NBAS: variants seen among roughly 807,000 people sequenced by gnomAD.
NBAS encodes NBAS subunit of NRZ tethering complex.
In NBAS, 219 loss-of-function variants were observed where a neutral mutation model predicts 302.5. The ratio of observed to expected loss-of-function variants is 0.72; its 90% confidence interval spans 0.65 to 0.81. The LOEUF is 0.81. NBAS is among the 30% of genes least tolerant of loss of function. NBAS has a pLI of 0.00. For synonymous variants in NBAS, 1,118 were observed against 1,021.6 expected (o/e 1.09, Z -1.80); for missense variants, 2,932 against 2,841.6 (o/e 1.03, Z -0.72).
chr2:15,355,074 T>C (rs1030255057), intron 33 of NBAS, among the ~76,000 whole-genome samples: 5 of 152,322 alleles, frequency 3.3e-5, no homozygotes, highest in Non-Finnish European at 7.3e-5. Flanking sequence ...CACATCACAA[T>C]AGTCCTTGTT....
the NBAS span, among the ~76,000 whole-genome samples, chr2:14,829,129 T>C: frequency 6.6e-6 from 1 of 151,718 alleles, no homozygotes; most frequent in Non-Finnish European, 1.5e-5. Flanking sequence ...AGGCCCAGAA[T>C]AGAAGAAGCC....
At chr2:15,093,544 A>T in the NBAS span, among the ~76,000 whole-genome samples, 1 of 152,258 alleles carries the variant, frequency 6.6e-6, no homozygotes, top group Admixed American at 6.5e-5. Context: ...CTAATTGGCA[A>T]TATGTTTACA....
chr2:15,218,835 T>A lies in NBAS; in HGVS notation c.6370A>T (p.Ser2124Cys). 1 of 1,614,256 alleles carries A rather than the reference T, an allele frequency of 6.2e-7. No individual in the cohort carries two copies. Among genetic ancestry groups the A allele is most frequent in the Non-Finnish European group, 8.5e-7 (1 of 1,180,040 alleles). The change falls in exon 48 of 52, where the codon AGC (serine) becomes TGC (cysteine). Residue 2124 changes from serine (S) to cysteine (C), a missense_variant. Ser to Cys is a moderately radical substitution (Grantham distance 112). Transcript: ENST00000281513. The part of the protein sequence containing the change: ...GQSFHLTEED[S>C]KLLVFFRTEA... ...GTTCTAAAGAACACGAGGAGCTTGCTGTCCTCCTCAGTCAGGTGAAATGAT... is the reference window on the plus strand; with the variant it reads ...GTTCTAAAGAACACGAGGAGCTTGCAGTCCTCCTCAGTCAGGTGAAATGAT...
Position 15,534,887 on chromosome 2 carries a change from C to T in NBAS, c.648-246G>A, listed in dbSNP as rs4668450. Among the ~76,000 whole-genome samples the T allele has an allele frequency of 0.64, 96,900 of 151,956 alleles. 31,622 individuals carry two copies. Among genetic ancestry groups the T allele is most frequent in the Non-Finnish European group, 0.68 (46,036 of 67,958 alleles). On this transcript the variant is annotated intron_variant, in intron 8 of 51. Transcript: ENST00000281513. ...GACCCAGCAATCCCACTTGAAGATA[C>T]TGACCCAAGAGAAATGAAAATGTAT... is the stretch of plus-strand genomic sequence containing the variant.
the NBAS span, among the ~76,000 whole-genome samples, chr2:15,107,697 A>G: frequency 6.6e-6 from 1 of 152,192 alleles, no homozygotes; most frequent in African/African-American, 2.4e-5. Context: ...GCTATCATTC[A>G]TATATAATAA....
chr2:15,524,297 A>G (rs1662816396), intron 9 of NBAS, among the ~76,000 whole-genome samples: 1 of 152,212 alleles, frequency 6.6e-6, no homozygotes, highest in African/African-American at 2.4e-5. Context: ...CTGGCTGCCA[A>G]GATGATGGTG....
At position 15,474,212 on chromosome 2, in the gene NBAS, T is replaced by C. The variant is rs760206146; in HGVS notation, c.1454A>G (p.Tyr485Cys). ...SDYEISAKAR[Y>C]FGYIKQGLYL... ...AAGGCCCTGTTTTATATAACCAAAGTAGCGAGCCTTGGCAGATATTTCATA... is the reference window on the plus strand; with the variant it reads ...AAGGCCCTGTTTTATATAACCAAAGCAGCGAGCCTTGGCAGATATTTCATA... Residue 485 changes from tyrosine (Y) to cysteine (C), a missense_variant, in exon 15 of 52, where the codon TAC becomes TGC. Physicochemically the swap from Tyr to Cys is radical, Grantham distance 194 (BLOSUM62 -2). Coordinates refer to ENST00000281513, the MANE Select transcript of NBAS (RefSeq NM_015909.4). The C allele has an allele frequency of 5.0e-6, 8 of 1,614,130 alleles. No homozygotes were observed. In the Admixed American group the frequency reaches 1.2e-4, roughly 24 times the overall value.
chr2:15,000,600 G>T, the NBAS span, among the ~76,000 whole-genome samples: 1 of 152,198 alleles, frequency 6.6e-6, no homozygotes, highest in East Asian at 1.9e-4. Context: ...TGTGGACTCA[G>T]CTGCTCTCAG....
At chr2:14,887,399 CAAAA>C in the NBAS span, among the ~76,000 whole-genome samples, 3 of 84,618 alleles carry the variant, frequency 3.5e-5, no homozygotes, top group South Asian at 4.0e-4. Flanking sequence ...TGAGACTCCT[CAAAA>C]AAAAAAAAAA....
intron 11 of NBAS, among the ~76,000 whole-genome samples, chr2:15,493,459 G>A (rs1680946873): frequency 6.6e-6 from 1 of 152,076 alleles, no homozygotes. Context: ...CCTGAGGTCA[G>A]GAGTTCAAGA....
intron 36 of NBAS, among the ~76,000 whole-genome samples, chr2:15,329,692 C>T (rs1001553459): frequency 6.6e-6 from 1 of 152,146 alleles, no homozygotes; most frequent in Non-Finnish European, 1.5e-5. Context: ...CCACACTGGC[C>T]CCTTTTATGT....
chr2:15,166,957 G>C lies in NBAS; in HGVS notation c.*91C>G. On this transcript the variant is annotated 3_prime_UTR_variant, in exon 52 of 52. Coordinates refer to ENST00000281513, the MANE Select transcript of NBAS (RefSeq NM_015909.4). ...TTATTTGCAATTTGTTGGAACCATG[G>C]AGAACAATCGGCAGATACACATGTT... is the stretch of plus-strand genomic sequence containing the variant. 1.4e-6 allele frequency: 2 copies of C among 1,441,518 alleles called. No individual in the cohort carries two copies. Among genetic ancestry groups the C allele is most frequent in the African/African-American group, 1.4e-5 (1 of 70,540 alleles). 89.3% of individuals were successfully genotyped at this position (1,441,518 alleles called of 1,614,324 possible).
intron 23 of NBAS, among the ~76,000 whole-genome samples, chr2:15,418,154 T>C (rs1677038029): frequency 6.6e-6 from 1 of 152,242 alleles, no homozygotes; most frequent in Admixed American, 6.5e-5. Context: ...TATTCCTGTA[T>C]AGTATCTATC....
the NBAS span, among the ~76,000 whole-genome samples, chr2:14,981,391 A>G: frequency 6.6e-6 from 1 of 152,270 alleles, no homozygotes; most frequent in African/African-American, 2.4e-5. Flanking sequence ...ATGGAAGGCC[A>G]GACTAAGTCT....
intron 7 of NBAS, 30 bp downstream of exon 7, chr2:15,539,193 C>A (rs751154466): frequency 1.9e-6 from 3 of 1,613,642 alleles, no homozygotes; most frequent in African/African-American, 1.3e-5. Context: ...ATTGAAAAAA[C>A]TATGTTTTCA....
At chr2:15,553,167 A>G (rs1664463340) in intron 5 of NBAS, among the ~76,000 whole-genome samples, 1 of 152,214 alleles carries the variant, frequency 6.6e-6, no homozygotes, top group Non-Finnish European at 1.5e-5. Flanking sequence ...TCTGGAGGAT[A>G]GGCCTCATTT....
chr2:15,206,464 G>C (rs1356716549), intron 48 of NBAS, among the ~76,000 whole-genome samples: 1 of 152,152 alleles, frequency 6.6e-6, no homozygotes, highest in African/African-American at 2.4e-5. Flanking sequence ...ATTCAAGCCA[G>C]CTGCAGAAAC....
the NBAS span, among the ~76,000 whole-genome samples, chr2:15,085,913 G>A: frequency 6.6e-6 from 1 of 152,148 alleles, no homozygotes; most frequent in African/African-American, 2.4e-5. Context: ...GGTGCTTCGG[G>A]CAGGTCAGTG....
chr2:15,192,247 T>C (rs1270341184), intron 48 of NBAS, among the ~76,000 whole-genome samples: 2 of 152,038 alleles, frequency 1.3e-5, no homozygotes, highest in Admixed American at 1.3e-4. Context: ...TTTTTTTTTT[T>C]TTTGTCCACT....
Sources: allele counts gnomAD v4.1 joint callset (sites outside exome capture counted in the v4.1 genomes callset), GRCh38; gene constraint gnomAD v4.1.1; transcripts MANE v1.5; gene names NCBI Gene and HGNC (gene_info 2026-07-23, HGNC 2026-07-21).